Variants in ERICH3 observed in about 807,000 individuals in gnomAD.
ERICH3 encodes the protein glutamate rich 3, also known as glutamate-rich protein 3.
A neutral mutation model predicts 131.1 loss-of-function variants in ERICH3; 126 were observed. The ratio of observed to expected loss-of-function variants is 0.96; its 90% CI spans 0.83 to 1.11. The LOEUF is 1.11. ERICH3 is among the 50% of genes most tolerant of loss of function. ERICH3 has a pLI of 0.00. For synonymous variants in ERICH3, 695 were observed against 644.6 expected, an observed-to-expected ratio of 1.08 and a Z score of -1.18; for missense variants, 2,050 against 1,810.7, an observed-to-expected ratio of 1.13 and a Z score of -2.40.
intron 3 of ERICH3, among the ~76,000 whole-genome samples, chr1:74,644,192 A>G (rs1036542329): frequency 2.0e-5 from 3 of 151,688 alleles, no homozygotes; most frequent in African/African-American, 4.8e-5. Flanking sequence ...ATAATTCCCT[A>G]TCATCAATCC....
chr1:74,639,303 T>G (rs779794000), intron 5 of ERICH3, among the ~76,000 whole-genome samples: 3 of 152,196 alleles, frequency 2.0e-5, no homozygotes, highest in Non-Finnish European at 4.4e-5. Context: ...GAACATGATC[T>G]ATTGGCTGTT....
At chr1:74,621,674 T>C (rs1401815954) in intron 7 of ERICH3, 1 of 152,212 alleles carries the variant, frequency 6.6e-6, no homozygotes, top group African/African-American at 2.4e-5. Context: ...AAATATGCAG[T>C]AAATGTGTAT....
chr1:74,662,657 A>T (rs1434464506), intron 1 of ERICH3, among the ~76,000 whole-genome samples: 2 of 152,176 alleles, frequency 1.3e-5, no homozygotes, highest in Admixed American at 6.5e-5. Context: ...GAACTTAAAA[A>T]CAAAAGTTAA....
chr1:74,579,720 A>C, intron 12 of ERICH3: 1 of 985,334 alleles, frequency 1.0e-6, no homozygotes, highest in Non-Finnish European at 1.2e-6. Context: ...AGGACTGTGC[A>C]TGCTGAGACT....
intron 5 of ERICH3, among the ~76,000 whole-genome samples, chr1:74,638,213 C>T (rs1299517241): frequency 1.3e-5 from 2 of 152,192 alleles, no homozygotes; most frequent in East Asian, 3.9e-4. Flanking sequence ...AGAAGCATGT[C>T]ATATGTTGCT....
intron 1 of ERICH3, among the ~76,000 whole-genome samples, chr1:74,664,781 A>G (rs2100657338): frequency 6.6e-6 from 1 of 152,320 alleles, no homozygotes; most frequent in African/African-American, 2.4e-5. Flanking sequence ...TTCTGTTCCA[A>G]CCAGCATCAG....
intron 1 of ERICH3, among the ~76,000 whole-genome samples, chr1:74,657,823 T>C (rs76525290): frequency 0.028 from 4,230 of 152,216 alleles, 203 homozygotes; most frequent in African/African-American, 0.097. Flanking sequence ...TCATATACCA[T>C]GAATTCTTCT....
chr1:74,612,782 T>C lies in ERICH3; in HGVS notation c.1028A>G (p.His343Arg), dbSNP rs1035622734. Residue 343 changes from histidine (H) to arginine (R), a missense_variant, in exon 9 of 15, where the codon CAT becomes CGT. His to Arg is a conservative substitution (Grantham distance 29). Coordinates refer to ENST00000326665, the MANE Select transcript of ERICH3 (RefSeq NM_001002912.5). ...KETFQFISKR[H>R]HGFPFSLTFF... ...GGTGAGACTGAAGGGGAAACCATGATGCCTTTTGGAAATAAACTGAAAGGT... is the reference window on the plus strand; with the variant it reads ...GGTGAGACTGAAGGGGAAACCATGACGCCTTTTGGAAATAAACTGAAAGGT... The C allele has an allele frequency of 6.3e-7, 1 of 1,590,242 alleles. No homozygotes were observed. Among genetic ancestry groups the C allele is most frequent in the Non-Finnish European group, 8.6e-7 (1 of 1,161,238 alleles).
chr1:74,576,221 A>C (rs544662385), intron 13 of ERICH3, among the ~76,000 whole-genome samples: 1 of 152,358 alleles, frequency 6.6e-6, no homozygotes, highest in Non-Finnish European at 1.5e-5. Context: ...TGCCTGGCAT[A>C]AAGAAAGCCC....
chr1:74,589,512 A>G lies in ERICH3; in HGVS notation c.2176+119T>C, dbSNP rs968202914. 17 of 981,390 alleles carry G rather than the reference A, an allele frequency of 1.7e-5. No homozygotes were observed. In the African/African-American group the frequency reaches 2.3e-4, roughly 13 times the overall value. 60.8% of individuals were successfully genotyped at this position (981,390 alleles called of 1,614,324 possible). A position where few individuals can be genotyped will look rare whatever the true frequency, so the allele number is the denominator to read the frequency against. On this transcript the variant is annotated intron_variant, in intron 12 of 14. Coordinates refer to ENST00000326665, the MANE Select transcript of ERICH3 (RefSeq NM_001002912.5). ...GTGACAAAGAGAGACACAGCAAAAA[A>G]TCTTGAATCCCTAAAGCATTGTCAC...
chr1:74,640,468 A>G (rs1646428406), intron 5 of ERICH3, among the ~76,000 whole-genome samples: 1 of 152,210 alleles, frequency 6.6e-6, no homozygotes, highest in South Asian at 2.1e-4. Flanking sequence ...CTGTGAAAGC[A>G]TTGCAATTTC....
chr1:74,657,075 C>A (rs1317689991), intron 1 of ERICH3, among the ~76,000 whole-genome samples: 1 of 152,114 alleles, frequency 6.6e-6, no homozygotes, highest in African/African-American at 2.4e-5. Flanking sequence ...TTTTTAAAAT[C>A]CACATGTGAG....
At chr1:74,643,169 A>T (rs1015518291) in intron 3 of ERICH3, 71 bp from the exon 4 acceptor site, 2 of 1,140,666 alleles carry the variant, frequency 1.8e-6, no homozygotes, top group African/African-American at 3.1e-5. Flanking sequence ...GAGGAAAATA[A>T]TTCCAACAGA....
chr1:74,650,501 C>T (rs1307946559), intron 1 of ERICH3, among the ~76,000 whole-genome samples: 1 of 152,156 alleles, frequency 6.6e-6, no homozygotes, highest in Non-Finnish European at 1.5e-5. Context: ...CCCTTATCCA[C>T]ATTCCAAGAC....
intron 13 of ERICH3, among the ~76,000 whole-genome samples, chr1:74,575,071 T>C (rs1326378790): frequency 6.6e-6 from 1 of 152,136 alleles, no homozygotes; most frequent in African/African-American, 2.4e-5. Flanking sequence ...GCTAGCCATC[T>C]TACCCCCAAC....
chr1:74,602,346 T>C, intron 10 of ERICH3, among the ~76,000 whole-genome samples: 1 of 151,950 alleles, frequency 6.6e-6, no homozygotes, highest in African/African-American at 2.4e-5. Context: ...ACCACCTTTG[T>C]GTCATCTACT....
In ERICH3 at chr1:74,673,556, G is replaced by A. The variant is rs1368614711; in HGVS notation, c.-37C>T. The stretch of plus-strand genomic sequence containing the variant: ...CCCTTTTGGACCCCGCGGCAGGTGC[G>A]GAGGGTGGGTGCGTGGGGCCCCGTG... On this transcript the variant is annotated 5_prime_UTR_variant, in exon 1 of 15. Transcript: ENST00000326665. 1.0e-5 allele frequency: 16 copies of A among 1,607,622 alleles called. No homozygotes were observed. The highest frequency in any genetic ancestry group is 1.3e-5 in the Non-Finnish European group (15 of 1,177,450).
intron 2 of ERICH3, 36 bp downstream of exon 2, chr1:74,649,186 A>G (rs766551099): frequency 1.4e-6 from 2 of 1,445,786 alleles, no homozygotes; most frequent in Non-Finnish European, 1.9e-6. Flanking sequence ...GACTTAATGA[A>G]ACAAGAAGGT....
At position 74,569,194 on chromosome 1, in the gene ERICH3, A is replaced by G. The variant is rs1646907265; in HGVS notation, c.*1264T>C. ...ATCAAGTGAAAAGTTAAAAATATATATATACTGATGTGTAGATCCATCTAA... is the reference window on the plus strand; with the variant it reads ...ATCAAGTGAAAAGTTAAAAATATATGTATACTGATGTGTAGATCCATCTAA... On this transcript the variant is annotated 3_prime_UTR_variant, in exon 15 of 15. Transcript: ENST00000326665. The G allele has an allele frequency of 6.6e-6, 1 of 152,152 alleles. No individual in the cohort carries two copies. The highest frequency in any genetic ancestry group is 1.5e-5 in the Non-Finnish European group (1 of 68,030). The allele number at this position is 152,152 out of a possible 1,614,324, so 9.4% of individuals were successfully genotyped here. A position where few individuals can be genotyped will look rare whatever the true frequency, so the allele number is the denominator to read the frequency against.
Sources: allele counts gnomAD v4.1 joint callset (sites outside exome capture counted in the v4.1 genomes callset), GRCh38; gene constraint gnomAD v4.1.1; transcripts MANE v1.5; gene names NCBI Gene and HGNC (gene_info 2026-07-23, HGNC 2026-07-21).